Variants in MEGF10 observed in about 807,000 individuals in gnomAD.
MEGF10 encodes the protein multiple EGF like domains 10, also known as multiple epidermal growth factor-like domains protein 10.
Under a neutral mutation model 147.5 loss-of-function variants are expected in MEGF10, and 86 were observed. That is an observed-to-expected ratio of 0.58 (90% CI 0.49 to 0.70). The LOEUF (loss-of-function observed/expected upper bound fraction) is 0.70. MEGF10 is among the 30% of genes least tolerant of loss of function. MEGF10 has a pLI of 0.00. For synonymous variants in MEGF10, 478 were observed against 525.5 expected (o/e 0.91, Z 1.24); for missense variants, 1,329 against 1,487.3 (o/e 0.89, Z 1.75).
rs1198061791 is a variant in MEGF10, at chr5:127,445,578, C to T, written c.2613C>T (p.Phe871=). ...TCATTCTTGTCCTAGTTGTTCTCTT[C>T]CTACTGGCATTGTTCATTATTTATA... ...GIIILVLVVL[F]LLALFIIYRH... is the part of the protein sequence containing the mutation. The change falls in exon 20 of 25, where the codon TTC becomes TTT. Residue 871 remains phenylalanine (F), a synonymous_variant. Coordinates refer to ENST00000503335, the MANE Select transcript of MEGF10 (RefSeq NM_001256545.2). The T allele has an allele frequency of 3.1e-6, 5 of 1,614,050 alleles. No homozygotes were observed. The South Asian group carries it at 5.5e-5, about 18-fold the overall frequency.
At chr5:127,389,540 A>G (rs1420688486) in intron 5 of MEGF10, among the ~76,000 whole-genome samples, 1 of 152,252 alleles carries the variant, frequency 6.6e-6, no homozygotes, top group Non-Finnish European at 1.5e-5. Flanking sequence ...TCAATGGCAG[A>G]TTGGATAAAG....
intron 4 of MEGF10, among the ~76,000 whole-genome samples, chr5:127,341,563 G>A (rs1426880995): frequency 6.6e-6 from 1 of 152,012 alleles, no homozygotes; most frequent in East Asian, 1.9e-4. Flanking sequence ...TCAGAGATAG[G>A]GCTTGGAATA....
At chr5:127,408,847 C>T (rs1764437190) in intron 8 of MEGF10, among the ~76,000 whole-genome samples, 1 of 152,122 alleles carries the variant, frequency 6.6e-6, no homozygotes, top group Admixed American at 6.5e-5. Flanking sequence ...GAGGCTGAGG[C>T]GGGAGCATCA....
At chr5:127,236,426 G>A in the MEGF10 span, among the ~76,000 whole-genome samples, 1,008 of 152,246 alleles carry the variant, frequency 6.6e-3, 11 homozygotes, top group African/African-American at 0.023. Context: ...GTACAACTTT[G>A]TTTACAAAAC....
intron 1 of MEGF10, among the ~76,000 whole-genome samples, chr5:127,310,663 ATTCTC>A (rs1701640970): frequency 6.6e-6 from 1 of 152,170 alleles, no homozygotes. Flanking sequence ...ATGCTCTATC[ATTCTC>A]TTCTCTTCTT....
intron 5 of MEGF10, among the ~76,000 whole-genome samples, chr5:127,375,418 A>C (rs1762988166): frequency 6.6e-6 from 1 of 152,350 alleles, no homozygotes; most frequent in East Asian, 1.9e-4. Flanking sequence ...ATAAAAAACC[A>C]GGTATGTCAG....
At chr5:127,389,767 T>C (rs1763574199) in intron 5 of MEGF10, among the ~76,000 whole-genome samples, 1 of 151,930 alleles carries the variant, frequency 6.6e-6, no homozygotes, top group African/African-American at 2.4e-5. Context: ...CTGTGGCCTA[T>C]TGGCAAGTGG....
At chr5:127,325,285 C>T (rs1008596769) in intron 1 of MEGF10, among the ~76,000 whole-genome samples, 1 of 152,022 alleles carries the variant, frequency 6.6e-6, no homozygotes, top group Non-Finnish European at 1.5e-5. Context: ...TAATTTTTTC[C>T]TTAGTAGATT....
At chr5:127,453,826 G>T (rs1766250393) in intron 22 of MEGF10, among the ~76,000 whole-genome samples, 1 of 152,176 alleles carries the variant, frequency 6.6e-6, no homozygotes, top group Non-Finnish European at 1.5e-5. Flanking sequence ...GTGATTAAAT[G>T]CTTATATTTT....
chr5:127,398,111 T>C (rs1241434503), intron 6 of MEGF10, among the ~76,000 whole-genome samples: 1 of 151,270 alleles, frequency 6.6e-6, no homozygotes, highest in African/African-American at 2.4e-5. Context: ...AAATACCTAA[T>C]GCATGCGGGG....
chr5:127,291,600 C>T (rs1379818095), intron 1 of MEGF10, among the ~76,000 whole-genome samples: 1 of 152,096 alleles, frequency 6.6e-6, no homozygotes, highest in Non-Finnish European at 1.5e-5. Flanking sequence ...GGTGTGAGGT[C>T]GCAGTCTTAG....
chr5:127,268,183 G>A, the MEGF10 span, among the ~76,000 whole-genome samples: 9 of 152,312 alleles, frequency 5.9e-5, no homozygotes, highest in African/African-American at 2.2e-4. Flanking sequence ...GTACCCAGTA[G>A]TCATTCAGGA....
the MEGF10 span, among the ~76,000 whole-genome samples, chr5:127,239,419 G>T: frequency 7.4e-6 from 1 of 135,940 alleles, no homozygotes; most frequent in Non-Finnish European, 1.5e-5. Context: ...ACACACACGG[G>T]AGAGAGAGAA....
At chr5:127,302,172 G>A (rs1241056572) in intron 1 of MEGF10, among the ~76,000 whole-genome samples, 1 of 152,186 alleles carries the variant, frequency 6.6e-6, no homozygotes, top group Non-Finnish European at 1.5e-5. Context: ...GCTCCTAGCA[G>A]CATTATTTAC....
At chr5:127,363,759 G>A (rs1264518385) in intron 4 of MEGF10, among the ~76,000 whole-genome samples, 1 of 152,124 alleles carries the variant, frequency 6.6e-6, no homozygotes, top group Non-Finnish European at 1.5e-5. Flanking sequence ...AAGACTTATA[G>A]ATACAAAGTT....
At chr5:127,393,055 T>C (rs868443822) in intron 5 of MEGF10, among the ~76,000 whole-genome samples, 2 of 152,234 alleles carry the variant, frequency 1.3e-5, no homozygotes, top group South Asian at 4.1e-4. Context: ...TGAAATAAAA[T>C]TCTGTTCCTT....
the MEGF10 span, among the ~76,000 whole-genome samples, chr5:127,271,024 A>G: frequency 6.6e-6 from 1 of 152,186 alleles, no homozygotes; most frequent in Non-Finnish European, 1.5e-5. Context: ...CCATAAACAT[A>G]TATGTGCACG....
At chr5:127,233,319 A>G in the MEGF10 span, among the ~76,000 whole-genome samples, 4 of 152,316 alleles carry the variant, frequency 2.6e-5, no homozygotes, top group African/African-American at 9.6e-5. Context: ...CCTTCCTGGT[A>G]TAGGGCAGTA....
chr5:127,437,695 T>C (rs1341148200), intron 16 of MEGF10, among the ~76,000 whole-genome samples: 1 of 152,190 alleles, frequency 6.6e-6, no homozygotes, highest in Admixed American at 6.5e-5. Flanking sequence ...ATGATTTAAT[T>C]GTATTATTTT....
Sources: allele counts gnomAD v4.1 joint callset (sites outside exome capture counted in the v4.1 genomes callset), GRCh38; gene constraint gnomAD v4.1.1; transcripts MANE v1.5; gene names NCBI Gene and HGNC (gene_info 2026-07-23, HGNC 2026-07-21).